The following ABCA4 variants were observed in gnomAD, a reference collection of about 807,000 sequenced individuals.
ABCA4 encodes the protein ATP binding cassette subfamily A member 4.
In ABCA4, 196 loss-of-function variants were observed where a neutral mutation model predicts 263.7. The ratio of observed to expected loss-of-function variants is 0.74; its 90% confidence interval spans 0.66 to 0.84. The LOEUF (loss-of-function observed/expected upper bound fraction) is 0.84. Ranked by LOEUF, ABCA4 falls within the 40% of genes least tolerant of loss-of-function variation. The probability of loss-of-function intolerance (pLI) is 0.00; values close to 1 mark genes in which losing one functional copy is unlikely to be tolerated. For missense variants in ABCA4, 2,792 were observed against 2,855.1 expected, an observed-to-expected ratio of 0.98 and a Z score of 0.50; for synonymous variants, 1,133 against 1,094.2, an observed-to-expected ratio of 1.04 and a Z score of -0.70.
rs148286039 is a variant in ABCA4 at position 94,052,923 on chromosome 1, A to T, written c.2588-1225T>A. 6.5e-3 allele frequency among the ~76,000 whole-genome samples: 993 copies of T among 152,330 alleles called. 11 individuals are homozygous for T. The highest frequency in any genetic ancestry group is 0.022 in the African/African-American group (914 of 41,570). On this transcript the variant is annotated intron_variant, in intron 16 of 49. Coordinates refer to ENST00000370225, the MANE Select transcript of ABCA4 (RefSeq NM_000350.3). ...ATGTGACTCAGGGTAGAGCCCCAAG[A>T]TAGCTGCAGTTTCTGGGGACTGGTC...
intron 11 of ABCA4, among the ~76,000 whole-genome samples, chr1:94,076,526 C>G (rs1314321714): frequency 6.6e-6 from 1 of 152,034 alleles, no homozygotes; most frequent in East Asian, 1.9e-4. Context: ...GCAATGAAAA[C>G]AGCATTTGCA....
Position 94,060,436 on chromosome 1 carries a change from C to A in ABCA4, c.2160+101G>T, listed in dbSNP as rs553627995. ...GGGCTGGGAAGCTAGATGTCACGCT[C>A]TCCTTGGTGGCCACATGACTAATCC... On this transcript the variant is annotated intron_variant, in intron 14 of 49. Coordinates refer to ENST00000370225, the MANE Select transcript of ABCA4 (RefSeq NM_000350.3). The A allele has an allele frequency of 1.6e-4, 182 of 1,131,574 alleles. 1 individual carries two copies. The highest frequency in any genetic ancestry group is 1.4e-3 in the Middle Eastern group (5 of 3,512). 70.1% of individuals were successfully genotyped at this position (1,131,574 alleles called of 1,614,324 possible).
chr1:94,012,011 T>G (rs1163656973), intron 38 of ABCA4, among the ~76,000 whole-genome samples: 1 of 152,204 alleles, frequency 6.6e-6, no homozygotes, highest in Non-Finnish European at 1.5e-5. Flanking sequence ...GGGTCTGTGT[T>G]AAGCCAGGGA....
chr1:94,054,458 T>G (rs1312765205), intron 16 of ABCA4, among the ~76,000 whole-genome samples: 1 of 150,280 alleles, frequency 6.7e-6, no homozygotes, highest in Non-Finnish European at 1.5e-5. Context: ...AAGATCCCTG[T>G]GATAATGGGA....
Position 94,031,938 on chromosome 1 carries a change from C to G in ABCA4, c.3968G>C (p.Gly1323Ala). The change falls in exon 27 of 50, where the codon GGG (glycine) becomes GCG (alanine). Residue 1323 changes from glycine to alanine, a missense_variant. Coordinates refer to ENST00000370225, the MANE Select transcript of ABCA4 (RefSeq NM_000350.3). ...GCCCTCTGGGTGAGCAGCCGGCGCC[C>G]CTGGGGAGCAGACATTGGAGTCCTG... The part of the protein sequence containing the change: ...TPQDSNVCSP[G>A]APAAHPEGQP... 6.2e-7 allele frequency: 1 copy of G among 1,614,082 alleles called. No individual in the cohort carries two copies. The highest frequency in any genetic ancestry group is 1.7e-5 in the Admixed American group (1 of 60,014).
intron 19 of ABCA4, chr1:94,045,655 A>C: frequency 2.3e-6 from 1 of 433,872 alleles, no homozygotes; most frequent in Non-Finnish European, 4.7e-6. Flanking sequence ...ATCTCAGGCT[A>C]TCTGAACTTG....
At chr1:94,044,116 TCCTTCCTC>T (rs1446533307) in intron 20 of ABCA4, among the ~76,000 whole-genome samples, 76 of 2,298 alleles carry the variant, frequency 0.033, 1 homozygote, top group African/African-American at 0.034. Context: ...CTTCCTTCCT[TCCTTCCTC>T]CCTTCCTTCC....
At chr1:94,048,388 C>G (rs2101059106) in intron 18 of ABCA4, among the ~76,000 whole-genome samples, 1 of 152,332 alleles carries the variant, frequency 6.6e-6, no homozygotes, top group Middle Eastern at 3.4e-3. Flanking sequence ...CTTCCACTGT[C>G]AGGAAAGGCT....
chr1:94,025,335 C>T (rs1459911703), intron 30 of ABCA4, among the ~76,000 whole-genome samples: 2 of 152,206 alleles, frequency 1.3e-5, no homozygotes, highest in African/African-American at 2.4e-5. Context: ...ACCCAAGCCA[C>T]CACCTAGACC....
chr1:94,106,521 G>GA (rs1325763023), intron 4 of ABCA4, among the ~76,000 whole-genome samples: 1 of 152,160 alleles, frequency 6.6e-6, no homozygotes, highest in Non-Finnish European at 1.5e-5. Flanking sequence ...GTACACAGGG[G>GA]AAGGGGGATT....
chr1:94,036,702 G>T (rs1660346103), intron 26 of ABCA4, 38 bp downstream of exon 26: 4 of 1,605,892 alleles, frequency 2.5e-6, no homozygotes, highest in Admixed American at 1.7e-5. Flanking sequence ...TGGGAGGGAG[G>T]CAAGGAAGGG....
chr1:94,025,840 G>A (rs966763903), intron 30 of ABCA4, among the ~76,000 whole-genome samples: 2 of 152,182 alleles, frequency 1.3e-5, no homozygotes, highest in African/African-American at 4.8e-5. Flanking sequence ...TCATTTTGGT[G>A]AGAGCAGGGA....
At chr1:94,065,281 C>A (rs1570395697) in intron 11 of ABCA4, among the ~76,000 whole-genome samples, 4 of 152,114 alleles carry the variant, frequency 2.6e-5, no homozygotes, top group African/African-American at 9.7e-5. Flanking sequence ...CACTTGGCAG[C>A]CCCGGAACTT....
At chr1:94,003,329 T>A (rs1466355108) in intron 44 of ABCA4, among the ~76,000 whole-genome samples, 2 of 151,956 alleles carry the variant, frequency 1.3e-5, no homozygotes, top group Non-Finnish European at 2.9e-5. Flanking sequence ...TTTATGACTC[T>A]TATGTTTTTG....
chr1:94,036,681 G>C, intron 26 of ABCA4, 59 bp downstream of exon 26: 1 of 1,571,828 alleles, frequency 6.4e-7, no homozygotes, highest in Non-Finnish European at 8.8e-7. Context: ...TTAGACTTTC[G>C]AGATGGAACT....
chr1:93,999,459 C>T (rs576264160), intron 47 of ABCA4, among the ~76,000 whole-genome samples: 72 of 152,308 alleles, frequency 4.7e-4, no homozygotes, highest in African/African-American at 1.6e-3. Context: ...AGCAAAGGCT[C>T]GGGAAGGCAG....
chr1:94,008,973 C>T (rs1659475432), intron 40 of ABCA4, 102 bp from the exon 41 acceptor site: 10 of 1,525,788 alleles, frequency 6.6e-6, no homozygotes, highest in Non-Finnish European at 8.9e-6. Flanking sequence ...CTGCTTCCTT[C>T]TGGGCTTCCA....
chr1:94,022,098 T>C, intron 32 of ABCA4, 147 bp from the exon 33 acceptor site: 1 of 741,370 alleles, frequency 1.3e-6, no homozygotes, highest in Non-Finnish European at 2.4e-6. Flanking sequence ...AACCAGCTTT[T>C]AACTCTTTTC....
Position 94,051,536 on chromosome 1 carries a change from G to GTTTA in ABCA4, c.2653+93_2653+96dup, listed in dbSNP as rs376026733. The stretch of plus-strand genomic sequence containing the variant: ...CAGCTGACTCATCAGGAATCACACC[G>GTTTA]TTTACATAGAGGGCCACCTCTGTGA... On this transcript the variant is annotated intron_variant, in intron 17 of 49. Coordinates refer to ENST00000370225, the MANE Select transcript of ABCA4 (RefSeq NM_000350.3). The GTTTA allele has an allele frequency of 2.6e-5, 29 of 1,134,404 alleles. No homozygotes were observed. In the African/African-American group the frequency reaches 4.0e-4, roughly 16 times the overall value. 70.3% of individuals were successfully genotyped at this position (1,134,404 alleles called of 1,614,324 possible).
Sources: gnomAD v4.1 joint callset for allele counts (sites outside exome capture counted in the v4.1 genomes callset) on GRCh38, gnomAD v4.1.1 for gene constraint, MANE v1.5 for transcripts, NCBI Gene and HGNC (gene_info 2026-07-23, HGNC 2026-07-21) for gene names.